FRMD4A: variants seen among roughly 807,000 people sequenced by gnomAD.
The protein encoded by FRMD4A is FERM domain containing 4A, also known as FERM domain-containing protein 4A.
FRMD4A carries 29 observed loss-of-function variants against 129.1 expected under a neutral mutation model. The observed-to-expected ratio is 0.22, with a 90% confidence interval of 0.17 to 0.31. The LOEUF (loss-of-function observed/expected upper bound fraction) is 0.31. Among genes scored for constraint, FRMD4A ranks in the 10% least tolerant of loss-of-function variants. The probability of loss-of-function intolerance (pLI) is 1.00; values close to 1 mark genes in which losing one functional copy is unlikely to be tolerated. For missense variants in FRMD4A, 1,272 were observed against 1,375.8 expected, an observed-to-expected ratio of 0.92 and a Z score of 1.19; for synonymous variants, 634 against 571.6, an observed-to-expected ratio of 1.11 and a Z score of -1.56.
At chr10:13,856,116 C>A (rs754487399) in intron 3 of FRMD4A, among the ~76,000 whole-genome samples, 2 of 151,412 alleles carry the variant, frequency 1.3e-5, no homozygotes, top group Non-Finnish European at 2.9e-5. Context: ...GTGTATCTAT[C>A]TATGTATAGG....
chr10:13,999,995 A>G lies in FRMD4A; in HGVS notation c.46-141083T>C, dbSNP rs1394222777. Among the ~76,000 whole-genome samples the G allele has an allele frequency of 3.9e-5, 6 of 152,340 alleles. No individual in the cohort carries two copies. In the South Asian group the frequency reaches 6.2e-4, roughly 16 times the overall value. ...CACTCAATAAACACTTGTTTATCCTATCTTTATCCCAGGTATTGTTGTAGG... is the reference window on the plus strand; with the variant it reads ...CACTCAATAAACACTTGTTTATCCTGTCTTTATCCCAGGTATTGTTGTAGG... On this transcript the variant is annotated intron_variant, in intron 2 of 24. Transcript: ENST00000357447.
chr10:13,827,274 G>C (rs1199889485), intron 3 of FRMD4A, among the ~76,000 whole-genome samples: 1 of 152,168 alleles, frequency 6.6e-6, no homozygotes, highest in African/African-American at 2.4e-5. Flanking sequence ...CAGTTTCAGA[G>C]AAAACCAGAA....
intron 2 of FRMD4A, among the ~76,000 whole-genome samples, chr10:14,329,472 C>T (rs1351076417): frequency 1.3e-5 from 2 of 152,150 alleles, no homozygotes; most frequent in Non-Finnish European, 2.9e-5. Context: ...GTCAGCTGCT[C>T]ACACACAGAT....
intron 2 of FRMD4A, among the ~76,000 whole-genome samples, chr10:14,126,436 T>TG (rs1383594754): frequency 3.3e-5 from 5 of 152,086 alleles, no homozygotes; most frequent in African/African-American, 4.8e-5. Flanking sequence ...CCTAAAGTTC[T>TG]GGGATTACAG....
At chr10:13,921,248 T>TTC (rs1263400403) in intron 2 of FRMD4A, among the ~76,000 whole-genome samples, 14 of 74,764 alleles carry the variant, frequency 1.9e-4, no homozygotes, top group South Asian at 5.1e-4. Flanking sequence ...CTTTCTCTCT[T>TTC]TCTCTCTCTC....
chr10:14,010,532 G>A (rs533353315), intron 2 of FRMD4A, among the ~76,000 whole-genome samples: 3 of 151,920 alleles, frequency 2.0e-5, no homozygotes, highest in South Asian at 2.1e-4. Context: ...CCCAGTCCCC[G>A]CGGAGTAGGT....
intron 2 of FRMD4A, among the ~76,000 whole-genome samples, chr10:14,268,711 C>T (rs1845061937): frequency 6.6e-6 from 1 of 152,310 alleles, no homozygotes; most frequent in Admixed American, 6.5e-5. Flanking sequence ...CTTGGGGACT[C>T]TTTATCTGCA....
intron 2 of FRMD4A, among the ~76,000 whole-genome samples, chr10:13,888,273 A>G (rs573475158): frequency 6.6e-6 from 1 of 152,302 alleles, no homozygotes; most frequent in South Asian, 2.1e-4. Context: ...TGATTTTGCT[A>G]TTGGAGGAAA....
intron 2 of FRMD4A, among the ~76,000 whole-genome samples, chr10:14,280,140 C>T (rs528217602): frequency 4.5e-4 from 68 of 152,156 alleles, no homozygotes; most frequent in Admixed American, 1.4e-3. Flanking sequence ...TTTTTAGGGA[C>T]GATGCTGGCC....
chr10:14,240,527 C>T (rs1192132900), intron 2 of FRMD4A, among the ~76,000 whole-genome samples: 1 of 152,156 alleles, frequency 6.6e-6, no homozygotes, highest in Non-Finnish European at 1.5e-5. Context: ...AATTCAGTGG[C>T]TACGGGCCAT....
chr10:14,196,418 C>A (rs979826047), intron 2 of FRMD4A, among the ~76,000 whole-genome samples: 1 of 152,202 alleles, frequency 6.6e-6, no homozygotes, highest in African/African-American at 2.4e-5. Flanking sequence ...TAAAATGTTC[C>A]TGTTATCCAA....
At chr10:13,840,022 G>C (rs2130970371) in intron 3 of FRMD4A, among the ~76,000 whole-genome samples, 1 of 152,278 alleles carries the variant, frequency 6.6e-6, no homozygotes, top group Middle Eastern at 3.4e-3. Flanking sequence ...CTCTGTGGTG[G>C]GTGGCTTTGC....
At chr10:14,100,505 C>T (rs1224445744) in intron 2 of FRMD4A, among the ~76,000 whole-genome samples, 2 of 152,008 alleles carry the variant, frequency 1.3e-5, no homozygotes, top group Non-Finnish European at 2.9e-5. Context: ...ACCCTATTTC[C>T]CCCCGACCCC....
At chr10:14,196,183 ACACAC>A (rs1842468343) in intron 2 of FRMD4A, among the ~76,000 whole-genome samples, 1 of 151,112 alleles carries the variant, frequency 6.6e-6, no homozygotes, top group Admixed American at 6.6e-5. Context: ...ACACACACAC[ACACAC>A]ATCCTTGCAC....
At chr10:13,784,018 A>T (rs1919457) in intron 5 of FRMD4A, among the ~76,000 whole-genome samples, 1 of 151,876 alleles carries the variant, frequency 6.6e-6, no homozygotes, top group Non-Finnish European at 1.5e-5. Flanking sequence ...AAAGGAAGAG[A>T]GGGGAAAGGT....
chr10:14,263,298 G>A (rs545585230), intron 2 of FRMD4A, among the ~76,000 whole-genome samples: 2 of 152,264 alleles, frequency 1.3e-5, no homozygotes, highest in South Asian at 2.1e-4. Flanking sequence ...ACAGAAACAG[G>A]GCATATGGCT....
chr10:14,019,934 A>T (rs1832660156), intron 2 of FRMD4A, among the ~76,000 whole-genome samples: 1 of 152,126 alleles, frequency 6.6e-6, no homozygotes, highest in Admixed American at 6.5e-5. Flanking sequence ...GGGGCTCCTC[A>T]TCTATGGACC....
chr10:14,073,117 C>T (rs183896949), intron 2 of FRMD4A, among the ~76,000 whole-genome samples: 66 of 152,314 alleles, frequency 4.3e-4, no homozygotes, highest in African/African-American at 1.5e-3. Flanking sequence ...ACCAGCTGTC[C>T]AGGAAACCCA....
intron 4 of FRMD4A, among the ~76,000 whole-genome samples, chr10:13,805,609 G>A (rs1054364820): frequency 6.6e-6 from 1 of 152,086 alleles, no homozygotes; most frequent in East Asian, 1.9e-4. Flanking sequence ...TTAAAAGTTG[G>A]TTAGTTATAG....
Sources: gnomAD v4.1 joint callset for allele counts (sites outside exome capture counted in the v4.1 genomes callset) on GRCh38, gnomAD v4.1.1 for gene constraint, MANE v1.5 for transcripts, NCBI Gene and HGNC (gene_info 2026-07-23, HGNC 2026-07-21) for gene names.